MAP3K1: variants seen among roughly 807,000 people sequenced by gnomAD.
MAP3K1 encodes mitogen-activated protein kinase kinase kinase 1.
MAP3K1 carries 36 observed loss-of-function variants against 144.2 expected under a neutral mutation model. The observed-to-expected ratio is 0.25, with a 90% CI of 0.19 to 0.33. The LOEUF is 0.33. MAP3K1 is among the 10% of genes least tolerant of loss of function. The pLI is 1.00. For synonymous variants in MAP3K1, 718 were observed against 688.7 expected (o/e 1.04, Z -0.67); for missense variants, 1,650 against 1,881.9 (o/e 0.88, Z 2.28).
In MAP3K1 at chr5:56,886,073, C is replaced by G. The variant is rs1249749160; in HGVS notation, c.4114+10C>G. The G allele has an allele frequency of 3.1e-5, 50 of 1,608,972 alleles. No individual in the cohort carries two copies. In the Admixed American group the frequency reaches 8.2e-4, roughly 26 times the overall value. On this transcript the variant is annotated intron_variant, in intron 17 of 19. Transcript: ENST00000399503. Reference sequence around the variant, plus strand: ...CACAGAGATGTCAAAGGTGAGAATTCTTCTAATTATTATCTAGTGACAATA... The same window carrying G: ...CACAGAGATGTCAAAGGTGAGAATTGTTCTAATTATTATCTAGTGACAATA...
chr5:56,829,529 A>T lies in MAP3K1; in HGVS notation c.482+13474A>T, dbSNP rs376891167. 8.7e-4 allele frequency among the ~76,000 whole-genome samples: 132 copies of T among 152,162 alleles called. 3 individuals are homozygous for T. In the South Asian group the frequency reaches 0.027, roughly 31 times the overall value. On this transcript the variant is annotated intron_variant, in intron 1 of 19. Coordinates refer to ENST00000399503, the MANE Select transcript of MAP3K1 (RefSeq NM_005921.2). Reference sequence around the variant, plus strand: ...ATACACTGAACTGAAACTGTTCATAATTCATTGCAGAGCACACGGACATTC... The same window carrying T: ...ATACACTGAACTGAAACTGTTCATATTTCATTGCAGAGCACACGGACATTC...
chr5:56,859,474 G>T (rs1425550380), intron 2 of MAP3K1, among the ~76,000 whole-genome samples: 1 of 152,154 alleles, frequency 6.6e-6, no homozygotes, highest in East Asian at 1.9e-4. Flanking sequence ...TTACAAAATT[G>T]TAAGGGAGGA....
At chr5:56,828,702 G>T (rs1305161288) in intron 1 of MAP3K1, among the ~76,000 whole-genome samples, 1 of 152,092 alleles carries the variant, frequency 6.6e-6, no homozygotes, top group Admixed American at 6.5e-5. Context: ...ACCTTAGGGG[G>T]CAGTTTTTAA....
At chr5:56,882,972 T>G in intron 14 of MAP3K1, 106 bp downstream of exon 14, 1 of 893,162 alleles carries the variant, frequency 1.1e-6, no homozygotes, top group East Asian at 2.6e-5. Flanking sequence ...AAGGATTGCT[T>G]GAGCACAGGA....
intron 9 of MAP3K1, among the ~76,000 whole-genome samples, chr5:56,873,520 A>C (rs962491228): frequency 9.9e-5 from 15 of 152,012 alleles, no homozygotes; most frequent in Non-Finnish European, 2.2e-4. Flanking sequence ...TCCCTTTACC[A>C]TCTCTTCTGA....
rs144123213 is a variant in MAP3K1 at position 56,895,283 on chromosome 5, G to A, written c.*1603G>A. ...CATTCCTTTGTTTTGGAAGATTGGCGATATTTGAAGAGTTAAAAATAGTAC... is the reference window on the plus strand; with the variant it reads ...CATTCCTTTGTTTTGGAAGATTGGCAATATTTGAAGAGTTAAAAATAGTAC... On this transcript the variant is annotated 3_prime_UTR_variant, in exon 20 of 20. Transcript: ENST00000399503. The A allele has an allele frequency of 1.3e-5, 3 of 231,878 alleles. No individual in the cohort carries two copies. The highest frequency in any genetic ancestry group is 6.1e-5 in the East Asian group (1 of 16,370). The allele number at this position is 231,878 out of a possible 1,614,324, so 14.4% of individuals were successfully genotyped here. A position where few individuals can be genotyped will look rare whatever the true frequency, so the allele number is the denominator to read the frequency against.
Position 56,875,199 on chromosome 5 carries a change from C to T in MAP3K1, c.1854C>T (p.Ala618=). The change falls in exon 10 of 20, where the codon GCC becomes GCT. Residue 618 remains alanine, a synonymous_variant. Coordinates refer to ENST00000399503, the MANE Select transcript of MAP3K1 (RefSeq NM_005921.2). The stretch of plus-strand genomic sequence containing the variant: ...GTGGAAGCAGCCCGAGTGGGGGAGC[C>T]ACCAGTGGGTCTTCCCAGACCAGTA... ...GSSGSSPSGG[A]TSGSSQTSIS... 1 of 1,614,124 alleles carries T rather than the reference C, an allele frequency of 6.2e-7. No homozygotes were observed. The highest frequency in any genetic ancestry group is 1.1e-5 in the South Asian group (1 of 91,082).
At chr5:56,890,685 A>G (rs140689302) in intron 19 of MAP3K1, among the ~76,000 whole-genome samples, 156 of 152,286 alleles carry the variant, frequency 1.0e-3, no homozygotes, top group African/African-American at 3.6e-3. Context: ...TTAAACGAGT[A>G]TGAAGCTGTT....
chr5:56,823,977 T>A (rs1424941668), intron 1 of MAP3K1, among the ~76,000 whole-genome samples: 1 of 152,254 alleles, frequency 6.6e-6, no homozygotes, highest in Admixed American at 6.5e-5. Flanking sequence ...ATTATTCTTA[T>A]TTTTAAAGTT....
Position 56,881,142 on chromosome 5 carries a change from G to A in MAP3K1, c.2239G>A (p.Glu747Lys), listed in dbSNP as rs766783359. The A allele has an allele frequency of 6.2e-7, 1 of 1,613,666 alleles. No individual in the cohort carries two copies. The highest frequency in any genetic ancestry group is 8.5e-7 in the Non-Finnish European group (1 of 1,179,882). The stretch of plus-strand genomic sequence containing the variant: ...AAATTGTATTCTTGGAAACCAAACT[G>A]AATCAAACAATTGGCAAGAACTTCT... Reference protein sequence around the residue: ...VLNCILGNQTESNNWQELLGR... With the variant: ...VLNCILGNQTKSNNWQELLGR... The change falls in exon 13 of 20, where the codon GAA becomes AAA. Residue 747 changes from glutamate (E) to lysine (K), a missense_variant. Physicochemically the swap from Glu to Lys is moderately conservative, Grantham distance 56. This residue lies in a region of MAP3K1 where 841 missense variants were observed against 886.5 expected (regional missense o/e 0.95). Coordinates refer to ENST00000399503, the MANE Select transcript of MAP3K1 (RefSeq NM_005921.2).
rs1022748506 is a variant in MAP3K1, at chr5:56,895,132, A to C, written c.*1452A>C. 8.6e-6 allele frequency: 2 copies of C among 231,452 alleles called. No individual in the cohort carries two copies. The highest frequency in any genetic ancestry group is 1.3e-3 in the Middle Eastern group (1 of 792). 14.3% of individuals were successfully genotyped at this position (231,452 alleles called of 1,614,324 possible). On this transcript the variant is annotated 3_prime_UTR_variant, in exon 20 of 20. Transcript: ENST00000399503. ...ACTAAATAAGCTATATATAGAGTAC[A>C]TTTAAAATGTACAACACAAATTGGA...
At chr5:56,876,180 G>C (rs1330444852) in intron 10 of MAP3K1, among the ~76,000 whole-genome samples, 1 of 133,274 alleles carries the variant, frequency 7.5e-6, no homozygotes, top group Non-Finnish European at 1.6e-5. Flanking sequence ...TGGAGGGTGG[G>C]GGGAGGGCCA....
At chr5:56,842,058 G>C (rs1287945225) in intron 1 of MAP3K1, 1 of 152,154 alleles carries the variant, frequency 6.6e-6, no homozygotes, top group Non-Finnish European at 1.5e-5. Context: ...TTGCTGCAGT[G>C]CAGTTGGATG....
intron 1 of MAP3K1, among the ~76,000 whole-genome samples, chr5:56,846,288 A>G (rs756112189): frequency 4.6e-5 from 7 of 152,198 alleles, no homozygotes; most frequent in African/African-American, 1.7e-4. Context: ...ATGTCAGCAG[A>G]TTTCATTGAA....
chr5:56,818,427 TGA>T (rs896561173), intron 1 of MAP3K1, among the ~76,000 whole-genome samples: 10 of 152,162 alleles, frequency 6.6e-5, no homozygotes, highest in African/African-American at 2.4e-4. Context: ...TTGAAATATT[TGA>T]GAGTTCTGTG....
At chr5:56,822,820 C>G (rs1349130313) in intron 1 of MAP3K1, among the ~76,000 whole-genome samples, 1 of 152,208 alleles carries the variant, frequency 6.6e-6, no homozygotes, top group Admixed American at 6.5e-5. Flanking sequence ...AAACCTTCTC[C>G]TAACATGTTC....
chr5:56,872,369 A>T (rs1747882156), intron 7 of MAP3K1, among the ~76,000 whole-genome samples: 1 of 152,212 alleles, frequency 6.6e-6, no homozygotes, highest in African/African-American at 2.4e-5. Context: ...GCTAGCATCA[A>T]AGTAAGGTTT....
chr5:56,859,949 T>A, intron 3 of MAP3K1, 34 bp downstream of exon 3: 4 of 1,516,472 alleles, frequency 2.6e-6, no homozygotes, highest in Non-Finnish European at 3.6e-6. Context: ...TGTTAGTTTT[T>A]ATAATTTTTA....
chr5:56,888,396 G>C (rs757337207), intron 19 of MAP3K1, 39 bp downstream of exon 19: 7 of 1,605,614 alleles, frequency 4.4e-6, no homozygotes, highest in Non-Finnish European at 5.1e-6. Flanking sequence ...GTGCTAAAAG[G>C]AGTACAGCAG....
Sources: allele counts gnomAD v4.1 joint callset (sites outside exome capture counted in the v4.1 genomes callset), GRCh38; gene constraint gnomAD v4.1.1; regional missense constraint gnomAD v4.1.1; transcripts MANE v1.5; gene names NCBI Gene and HGNC (gene_info 2026-07-23, HGNC 2026-07-21).